Variants in EXOC7 observed in about 807,000 individuals in gnomAD.
The protein encoded by EXOC7 is exocyst complex component Exo70.
In EXOC7, 51 loss-of-function variants were observed where a neutral mutation model predicts 87.6. The observed-to-expected ratio is 0.58, with a 90% CI of 0.46 to 0.73. The LOEUF (loss-of-function observed/expected upper bound fraction) is 0.73. EXOC7 is among the 30% of genes least tolerant of loss of function. EXOC7 has a pLI of 0.00. For synonymous variants in EXOC7, 327 were observed against 357.1 expected (o/e 0.92, Z 0.95); for missense variants, 744 against 888.4 (o/e 0.84, Z 2.07).
intron 18 of EXOC7, 119 bp from the exon 19 acceptor site, chr17:76,083,869 C>T: frequency 6.7e-7 from 1 of 1,486,044 alleles, no homozygotes; most frequent in Non-Finnish European, 9.1e-7. Flanking sequence ...CCTGTCTGGC[C>T]CCGCCCCAAA....
chr17:76,084,889 T>A (rs556004423), intron 15 of EXOC7, among the ~76,000 whole-genome samples: 1 of 152,156 alleles, frequency 6.6e-6, no homozygotes, highest in South Asian at 2.1e-4. Context: ...GGAGGGCAGA[T>A]AAATGAGAAG....
intron 15 of EXOC7, 95 bp from the exon 16 acceptor site, chr17:76,084,675 G>C (rs980412128): frequency 9.0e-7 from 1 of 1,105,536 alleles, no homozygotes; most frequent in South Asian, 1.4e-5. Context: ...TACTTGGTGG[G>C]TGGTGGTAGG....
Position 76,083,663 on chromosome 17 carries a change from G to A in EXOC7, c.2040C>T (p.Phe680=), listed in dbSNP as rs773148479. ...EQVGDMIDRL[F]DTSA The stretch of plus-strand genomic sequence containing the variant: ...AGCAGCAGGCTCAGGCAGAGGTGTC[G>A]AAAAGGCGATCGATCATGTCGCCCA... The change falls in exon 19 of 19, where the codon TTC becomes TTT. Residue 680 remains phenylalanine, a synonymous_variant. Transcript: ENST00000589210. 5.0e-6 allele frequency: 8 copies of A among 1,613,740 alleles called. No homozygotes were observed. The highest frequency in any genetic ancestry group is 2.7e-5 in the African/African-American group (2 of 74,928).
chr17:76,099,390 C>T (rs1413718679), intron 4 of EXOC7, among the ~76,000 whole-genome samples: 1 of 152,062 alleles, frequency 6.6e-6, no homozygotes, highest in Non-Finnish European at 1.5e-5. Flanking sequence ...ACCTATAATC[C>T]CAGCTACTCG....
At chr17:76,085,624 G>A in intron 14 of EXOC7, 53 bp downstream of exon 14, 1 of 1,612,746 alleles carries the variant, frequency 6.2e-7, no homozygotes, top group Non-Finnish European at 8.5e-7. Flanking sequence ...TGGCACAGCT[G>A]CACAGCCGAG....
intron 3 of EXOC7, 138 bp downstream of exon 3, chr17:76,101,541 G>A (rs2144708674): frequency 1.5e-6 from 2 of 1,346,974 alleles, no homozygotes; most frequent in South Asian, 1.4e-5. Flanking sequence ...GTCTCACTGT[G>A]TTGTCCAGAC....
At chr17:76,096,066 C>T (rs752721277) in intron 5 of EXOC7, among the ~76,000 whole-genome samples, 4 of 152,096 alleles carry the variant, frequency 2.6e-5, no homozygotes, top group South Asian at 4.1e-4. Flanking sequence ...AATCTTCTGC[C>T]GAGCTGTCAT....
chr17:76,093,898 C>T (rs2067620128), intron 6 of EXOC7: 1 of 153,072 alleles, frequency 6.5e-6, no homozygotes, highest in Admixed American at 6.5e-5. Flanking sequence ...GAGCCCAAAG[C>T]CAGTTTAAGT....
At chr17:76,102,415 C>CAA (rs1491060460) in intron 2 of EXOC7, among the ~76,000 whole-genome samples, 2 of 86,614 alleles carry the variant, frequency 2.3e-5, no homozygotes, top group African/African-American at 5.8e-5. Context: ...TCTACACACA[C>CAA]AGACACACAC....
At chr17:76,087,019 G>A (rs937828713) in intron 12 of EXOC7, 35 of 747,412 alleles carry the variant, frequency 4.7e-5, no homozygotes, top group South Asian at 4.5e-4. Flanking sequence ...CTCTCCCCAC[G>A]ACAGCCAAAA....
intron 18 of EXOC7, 50 bp from the exon 19 acceptor site, chr17:76,083,800 C>A: frequency 6.3e-7 from 1 of 1,582,074 alleles, no homozygotes. Context: ...CCCTCCCCAG[C>A]TCCACCCTCA....
At chr17:76,088,362 G>C in intron 10 of EXOC7, 102 bp downstream of exon 10, 1 of 1,237,124 alleles carries the variant, frequency 8.1e-7, no homozygotes, top group Non-Finnish European at 1.2e-6. Flanking sequence ...GGCTGCCCCG[G>C]GACAACGCAC....
chr17:76,101,021 A>C, intron 4 of EXOC7: 1 of 539,952 alleles, frequency 1.9e-6, no homozygotes, highest in Non-Finnish European at 2.5e-6. Context: ...TCAAATGTTA[A>C]GTTTATATTT....
At position 76,083,112 on chromosome 17, in the gene EXOC7, C is replaced by G. The variant is rs1016714134; in HGVS notation, c.*536G>C. On this transcript the variant is annotated 3_prime_UTR_variant, in exon 19 of 19. Transcript: ENST00000589210. ...TGGCCAGTGAGCCTGCCTCCCCCAG[C>G]CACCTAGGGGACTCCTGGGAGGGAA... The G allele has an allele frequency of 6.0e-6, 1 of 166,788 alleles. No individual in the cohort carries two copies. The highest frequency in any genetic ancestry group is 2.4e-5 in the African/African-American group (1 of 41,756). 10.3% of individuals were successfully genotyped at this position (166,788 alleles called of 1,614,324 possible). A position where few individuals can be genotyped will look rare whatever the true frequency, so the allele number is the denominator to read the frequency against.
At position 76,082,104 on chromosome 17, in the gene EXOC7, G is replaced by A. The variant is rs1336115712; in HGVS notation, c.*1544C>T. ...GGCCTAGGTGCACACCTAGGGCTGG[G>A]GTGAGGGCACGGAGGTCCAGGTGTG... On this transcript the variant is annotated 3_prime_UTR_variant, in exon 19 of 19. Coordinates refer to ENST00000589210, the MANE Select transcript of EXOC7 (RefSeq NM_001013839.4). The A allele has an allele frequency of 2.0e-6, 3 of 1,532,582 alleles. No individual in the cohort carries two copies. The highest frequency in any genetic ancestry group is 2.0e-4 in the Middle Eastern group (1 of 5,112). 94.9% of individuals were successfully genotyped at this position (1,532,582 alleles called of 1,614,324 possible).
chr17:76,091,049 C>A, intron 7 of EXOC7, 94 bp downstream of exon 7: 1 of 1,111,916 alleles, frequency 9.0e-7, no homozygotes, highest in Non-Finnish European at 1.4e-6. Context: ...CTCAGGGTTT[C>A]TCCCGAGGCC....
At position 76,085,705 on chromosome 17, in the gene EXOC7, A is replaced by G. The variant is rs762313341; in HGVS notation, c.1588T>C (p.Tyr530His). The G allele has an allele frequency of 6.2e-7, 1 of 1,614,092 alleles. No homozygotes were observed. The highest frequency in any genetic ancestry group is 8.5e-7 in the Non-Finnish European group (1 of 1,180,028). ...ALSAIFLHNN[Y>H]NYILKSLEKS... ...TCCAGGGACTTGAGGATGTAATTGT[A>G]GTTGTTGTGCAGGAAGATGGCGCTC... The change falls in exon 14 of 19, where the codon TAC becomes CAC. Residue 530 changes from tyrosine (Y) to histidine (H), a missense_variant. Transcript: ENST00000589210.
intron 7 of EXOC7, chr17:76,090,891 G>C: frequency 1.7e-6 from 1 of 571,574 alleles, no homozygotes; most frequent in Non-Finnish European, 3.1e-6. Context: ...CAGGAGACAA[G>C]GACAGAGACA....
rs1373152419 is a variant in EXOC7, at chr17:76,086,159, A to T, written c.1430-14T>A. On this transcript the variant is annotated splice_polypyrimidine_tract_variant and intron_variant, in intron 12 of 18. Transcript: ENST00000589210. Reference sequence around the variant, plus strand: ...AAGAGCTGGTCTCTGTGAGAGGAGAAGTCCTGTTATTGCAGTGGCAGCAGC... The same window carrying T: ...AAGAGCTGGTCTCTGTGAGAGGAGATGTCCTGTTATTGCAGTGGCAGCAGC... 6.2e-7 allele frequency: 1 copy of T among 1,613,028 alleles called. No individual in the cohort carries two copies. The highest frequency in any genetic ancestry group is 1.7e-5 in the Admixed American group (1 of 59,960).
Sources: gnomAD v4.1 joint callset for allele counts (sites outside exome capture counted in the v4.1 genomes callset) on GRCh38, gnomAD v4.1.1 for gene constraint, MANE v1.5 for transcripts, NCBI Gene and HGNC (gene_info 2026-07-23, HGNC 2026-07-21) for gene names.